Variants in VWA3A observed in about 807,000 individuals in gnomAD.
VWA3A encodes the protein von Willebrand factor A domain-containing protein 3A.
In VWA3A, 134 loss-of-function variants were observed where a neutral mutation model predicts 160.4. The ratio of observed to expected loss-of-function variants is 0.84; its 90% CI spans 0.73 to 0.96. The LOEUF (loss-of-function observed/expected upper bound fraction) is 0.96, where lower values mean the gene tolerates loss of function less well. VWA3A is among the 40% of genes least tolerant of loss of function. The probability of loss-of-function intolerance (pLI) is 0.00; values close to 1 mark genes in which losing one functional copy is unlikely to be tolerated. For missense variants in VWA3A, 1,310 were observed against 1,447.9 expected, an observed-to-expected ratio of 0.90 and a Z score of 1.55; for synonymous variants, 476 against 543.4, an observed-to-expected ratio of 0.88 and a Z score of 1.72.
intron 31 of VWA3A, among the ~76,000 whole-genome samples, chr16:22,153,882 G>A (rs2142037218): frequency 6.6e-6 from 1 of 151,918 alleles, no homozygotes; most frequent in Admixed American, 6.6e-5. Flanking sequence ...TGGGATCACA[G>A]GTGTGCCACC....
At chr16:22,103,370 TAAA>T in intron 5 of VWA3A, 102 bp from the exon 6 acceptor site, 2 of 887,028 alleles carry the variant, frequency 2.3e-6, no homozygotes, top group Admixed American at 2.9e-5. Flanking sequence ...CTATGCACAT[TAAA>T]AAAAAAAACA....
chr16:22,123,483 T>G, intron 15 of VWA3A, 130 bp from the exon 16 acceptor site: 2 of 1,577,924 alleles, frequency 1.3e-6, no homozygotes, highest in African/African-American at 2.7e-5. Flanking sequence ...GTGGAATGAT[T>G]ATACTGCCTG....
At chr16:22,142,197 G>A (rs768780924) in intron 24 of VWA3A, among the ~76,000 whole-genome samples, 7 of 152,202 alleles carry the variant, frequency 4.6e-5, no homozygotes, top group Admixed American at 6.5e-5. Context: ...GGAGCAGTGG[G>A]AGATTCAGGG....
chr16:22,121,428 A>G, intron 13 of VWA3A, 86 bp from the exon 14 acceptor site: 2 of 1,126,426 alleles, frequency 1.8e-6, no homozygotes. Flanking sequence ...TGGGTGACAG[A>G]GCAAAACCCT....
chr16:22,131,594 G>C lies in VWA3A; in HGVS notation c.1737G>C (p.Leu579=), dbSNP rs1323309820. The part of the protein sequence containing the change: ...NNLQSAWRWA[L]NLRCRGSRNV... ...ATCTCTGCCTCCGCAGGTGGGCCCTGAACCTGCGGTGTCGGGGCAGCAGGA... is the reference window on the plus strand; with the variant it reads ...ATCTCTGCCTCCGCAGGTGGGCCCTCAACCTGCGGTGTCGGGGCAGCAGGA... Residue 579 remains leucine, a synonymous_variant, in exon 19 of 34, where the codon CTG becomes CTC. Transcript: ENST00000389398. 1 of 1,612,856 alleles carries C rather than the reference G, an allele frequency of 6.2e-7. No individual in the cohort carries two copies. Among genetic ancestry groups the C allele is most frequent in the Non-Finnish European group, 8.5e-7 (1 of 1,179,416 alleles).
At chr16:22,100,597 G>A (rs1314780302) in intron 5 of VWA3A, 104 bp downstream of exon 5, 1 of 1,116,356 alleles carries the variant, frequency 9.0e-7, no homozygotes, top group Non-Finnish European at 1.3e-6. Flanking sequence ...TACTTTGGGA[G>A]GCCGAGGCAG....
At chr16:22,118,451 C>T (rs531680230) in intron 11 of VWA3A, among the ~76,000 whole-genome samples, 42 of 152,096 alleles carry the variant, frequency 2.8e-4, no homozygotes, top group East Asian at 9.7e-4. Flanking sequence ...TTTGGGAGGC[C>T]GAGGCGGGCA....
chr16:22,146,181 G>A, intron 26 of VWA3A, 55 bp from the exon 27 acceptor site: 1 of 1,370,576 alleles, frequency 7.3e-7, no homozygotes, highest in South Asian at 1.2e-5. Flanking sequence ...GGGTGATGGG[G>A]ATATGAAGAA....
At position 22,115,226 on chromosome 16, in the gene VWA3A, T is replaced by C. The variant is rs553062325; in HGVS notation, c.690-121T>C. On this transcript the variant is annotated intron_variant, in intron 8 of 33. Coordinates refer to ENST00000389398, the MANE Select transcript of VWA3A (RefSeq NM_173615.5). ...AGGAGTTCGAGGTTACAGTGAGCTA[T>C]GATTGCACCACTGCACTTCAGCCTG... The C allele has an allele frequency of 5.6e-5, 65 of 1,162,196 alleles. No homozygotes were observed. The African/African-American group carries it at 9.2e-4, about 16-fold the overall frequency. The allele number at this position is 1,162,196 out of a possible 1,614,324, so 72.0% of individuals were successfully genotyped here.
intron 25 of VWA3A, among the ~76,000 whole-genome samples, chr16:22,143,907 A>AT (rs1285556068): frequency 6.6e-6 from 1 of 151,194 alleles, no homozygotes; most frequent in African/African-American, 2.4e-5. Flanking sequence ...CTCCTGGCTA[A>AT]TTTTTTGTAT....
At position 22,118,998 on chromosome 16, in the gene VWA3A, T is replaced by A. The variant is rs778229716; in HGVS notation, c.1087T>A (p.Cys363Ser). 21 of 1,613,206 alleles carry A rather than the reference T, an allele frequency of 1.3e-5. No individual in the cohort carries two copies. The highest frequency in any genetic ancestry group is 1.7e-5 in the Non-Finnish European group (20 of 1,179,578). ...HVQALQHSSP[C>S]EALTCTMEEI... The stretch of plus-strand genomic sequence containing the variant: ...GCAAGCCCTGCAGCACAGCAGCCCC[T>A]GTGAGGCGCTCACCTGCACCATGGA... The change falls in exon 12 of 34, where the codon TGT (cysteine) becomes AGT (serine). Residue 363 changes from cysteine (C) to serine (S), a missense_variant. Physicochemically the swap from Cys to Ser is moderately radical, Grantham distance 112. Coordinates refer to ENST00000389398, the MANE Select transcript of VWA3A (RefSeq NM_173615.5).
At chr16:22,142,250 G>A (rs1016412430) in intron 24 of VWA3A, among the ~76,000 whole-genome samples, 1 of 152,144 alleles carries the variant, frequency 6.6e-6, no homozygotes, top group African/African-American at 2.4e-5. Context: ...TAGTTCATTT[G>A]TGCTTGGAAT....
At chr16:22,135,790 T>G (rs2046029786) in intron 21 of VWA3A, among the ~76,000 whole-genome samples, 1 of 152,054 alleles carries the variant, frequency 6.6e-6, no homozygotes. Context: ...TTGTTTTTTG[T>G]TTTTTGGGGG....
chr16:22,117,297 C>CACCGAGATCTA, intron 11 of VWA3A, 121 bp downstream of exon 11: 1 of 1,058,932 alleles, frequency 9.4e-7, no homozygotes, highest in South Asian at 1.6e-5. Context: ...CTCCTTGTCC[C>CACCGAGATCTA]CACCTGTATT....
intron 6 of VWA3A, among the ~76,000 whole-genome samples, chr16:22,104,739 G>A (rs979515435): frequency 1.3e-5 from 2 of 152,110 alleles, no homozygotes; most frequent in African/African-American, 4.8e-5. Flanking sequence ...GTAGAAGAGT[G>A]ACCATGGGCA....
intron 1 of VWA3A, among the ~76,000 whole-genome samples, chr16:22,094,619 C>T (rs1024154496): frequency 6.6e-6 from 1 of 151,660 alleles, no homozygotes; most frequent in Non-Finnish European, 1.5e-5. Context: ...TCTCATGGAA[C>T]CCAAGAACAG....
At chr16:22,112,612 G>A (rs1042965263) in intron 8 of VWA3A, among the ~76,000 whole-genome samples, 1 of 152,146 alleles carries the variant, frequency 6.6e-6, no homozygotes, top group African/African-American at 2.4e-5. Flanking sequence ...CCAGCTACTC[G>A]GGAGGCTAAG....
intron 27 of VWA3A, 84 bp from the exon 28 acceptor site, chr16:22,148,078 C>T: frequency 6.9e-7 from 1 of 1,455,738 alleles, no homozygotes; most frequent in South Asian, 1.4e-5. Flanking sequence ...AGACTTTATA[C>T]TTGATAGATA....
chr16:22,152,387 C>T lies in VWA3A; in HGVS notation c.3282-124C>T, dbSNP rs141131339. 1,586 of 1,278,622 alleles carry T rather than the reference C, an allele frequency of 1.2e-3. 15 individuals carry two copies. In the African/African-American group the frequency reaches 0.021, roughly 17 times the overall value. The allele number at this position is 1,278,622 out of a possible 1,614,324, so 79.2% of individuals were successfully genotyped here. On this transcript the variant is annotated intron_variant, in intron 30 of 33. Transcript: ENST00000389398. ...ATGGTGGTCTCCATGGGACAAGCCA[C>T]GGCCCATTGCCAGGCTGATTTCTCT...
Sources: gnomAD v4.1 joint callset for allele counts (sites outside exome capture counted in the v4.1 genomes callset) on GRCh38, gnomAD v4.1.1 for gene constraint, MANE v1.5 for transcripts, NCBI Gene and HGNC (gene_info 2026-07-23, HGNC 2026-07-21) for gene names.